RABGAP1L: variants seen among roughly 807,000 people sequenced by gnomAD.
RABGAP1L encodes RAB GTPase activating protein 1 like, also known as rab GTPase-activating protein 1-like.
Under a neutral mutation model 137.7 loss-of-function variants are expected in RABGAP1L, and 63 were observed. That is an observed-to-expected ratio of 0.46 (90% CI 0.37 to 0.56). RABGAP1L has a LOEUF of 0.56. Among genes scored for constraint, RABGAP1L ranks in the 20% least tolerant of loss-of-function variants. The pLI, the probability that RABGAP1L is intolerant of heterozygous loss-of-function variation, is 0.00. For missense variants in RABGAP1L, 1,095 were observed against 1,244.0 expected (o/e 0.88, Z 1.80); for synonymous variants, 431 against 433.7 (o/e 0.99, Z 0.08).
At chr1:174,487,876 T>G (rs1659822474) in intron 13 of RABGAP1L, among the ~76,000 whole-genome samples, 1 of 152,192 alleles carries the variant, frequency 6.6e-6, no homozygotes, top group Admixed American at 6.5e-5. Flanking sequence ...TCACACTGTT[T>G]GTATAAACAA....
intron 13 of RABGAP1L, among the ~76,000 whole-genome samples, chr1:174,606,342 C>T (rs1195635608): frequency 6.6e-6 from 1 of 152,212 alleles, no homozygotes; most frequent in African/African-American, 2.4e-5. Flanking sequence ...TAGCCTGCCA[C>T]ACCCACTGTC....
chr1:174,662,108 T>TTTC (rs1676422305), intron 14 of RABGAP1L, among the ~76,000 whole-genome samples: 1 of 113,218 alleles, frequency 8.8e-6, no homozygotes, highest in African/African-American at 5.4e-5. Flanking sequence ...TTTTCTTTTT[T>TTTC]TTTTTTTTTT....
intron 13 of RABGAP1L, among the ~76,000 whole-genome samples, chr1:174,518,598 C>T (rs1490617590): frequency 6.6e-6 from 1 of 152,066 alleles, no homozygotes; most frequent in Admixed American, 6.6e-5. Flanking sequence ...TGTTCATCTC[C>T]TCTTGGGTGT....
At chr1:174,809,487 T>G (rs756342806) in intron 18 of RABGAP1L, among the ~76,000 whole-genome samples, 12 of 152,184 alleles carry the variant, frequency 7.9e-5, no homozygotes, top group Non-Finnish European at 1.8e-4. Flanking sequence ...CTTTTGTATG[T>G]GCTAAAAGGC....
chr1:174,596,747 A>T lies in RABGAP1L; in HGVS notation c.1711-40628A>T, dbSNP rs191683945. On this transcript the variant is annotated intron_variant, in intron 13 of 25. Transcript: ENST00000681986. Reference sequence around the variant, plus strand: ...GATTCCTTTAGCTAGGATTTCCAGGACTATGTTGAATAACGGTGGTGAAAG... The same window carrying T: ...GATTCCTTTAGCTAGGATTTCCAGGTCTATGTTGAATAACGGTGGTGAAAG... 1.2e-3 allele frequency among the ~76,000 whole-genome samples: 190 copies of T among 152,254 alleles called. 1 individual carries two copies. Among genetic ancestry groups the T allele is most frequent in the African/African-American group, 4.4e-3 (183 of 41,560 alleles).
intron 20 of RABGAP1L, among the ~76,000 whole-genome samples, chr1:174,964,480 A>G (rs1443099513): frequency 6.6e-6 from 1 of 152,208 alleles, no homozygotes; most frequent in Non-Finnish European, 1.5e-5. Context: ...TTCAGCCCCC[A>G]GGTACACATG....
chr1:174,374,705 G>T (rs749549680), intron 12 of RABGAP1L, among the ~76,000 whole-genome samples: 24 of 152,192 alleles, frequency 1.6e-4, no homozygotes, highest in Non-Finnish European at 3.4e-4. Context: ...CAGTTGTAGT[G>T]CTAACTTGAT....
intron 8 of RABGAP1L, among the ~76,000 whole-genome samples, chr1:174,273,664 AATG>A (rs1399165438): frequency 1.3e-5 from 2 of 152,056 alleles, no homozygotes; most frequent in Non-Finnish European, 2.9e-5. Context: ...GGATTGAGGT[AATG>A]AAAACTTTTA....
chr1:174,406,746 C>T (rs1056783499), intron 13 of RABGAP1L, among the ~76,000 whole-genome samples: 1 of 152,084 alleles, frequency 6.6e-6, no homozygotes, highest in African/African-American at 2.4e-5. Context: ...GCTGTCTCTA[C>T]AAAAAATACA....
chr1:174,503,889 T>C (rs1558290185), intron 13 of RABGAP1L, among the ~76,000 whole-genome samples: 1 of 151,860 alleles, frequency 6.6e-6, no homozygotes, highest in Non-Finnish European at 1.5e-5. Context: ...ATATATCCTG[T>C]GTTCATAGAT....
At chr1:174,256,843 C>T (rs992698086) in intron 7 of RABGAP1L, among the ~76,000 whole-genome samples, 3 of 152,084 alleles carry the variant, frequency 2.0e-5, no homozygotes, top group Non-Finnish European at 2.9e-5. Context: ...ATCAAAATAT[C>T]CTCCTTAATT....
At chr1:174,160,198 G>A (rs574119537) in intron 1 of RABGAP1L, among the ~76,000 whole-genome samples, 1 of 152,242 alleles carries the variant, frequency 6.6e-6, no homozygotes, top group Non-Finnish European at 1.5e-5. Context: ...GATGGGATGC[G>A]TTCCGGGCAG....
At position 174,372,991 on chromosome 1, in the gene RABGAP1L, G is replaced by A. The variant is rs1685226646; in HGVS notation, c.1559+1919G>A. On this transcript the variant is annotated intron_variant, in intron 12 of 25. Transcript: ENST00000681986. Reference sequence around the variant, plus strand: ...AGCCATTCTATTGAAATGATGTTCAGTTATCATTTTGTCCATTTCAAAAAT... The same window carrying A: ...AGCCATTCTATTGAAATGATGTTCAATTATCATTTTGTCCATTTCAAAAAT... 2.0e-5 allele frequency among the ~76,000 whole-genome samples: 3 copies of A among 152,164 alleles called. No homozygotes were observed. In the South Asian group the frequency reaches 6.2e-4, roughly 32 times the overall value.
intron 19 of RABGAP1L, among the ~76,000 whole-genome samples, chr1:174,909,171 T>G (rs1573778205): frequency 7.2e-6 from 1 of 139,514 alleles, no homozygotes; most frequent in Non-Finnish European, 1.6e-5. Context: ...AGAGTGAGAC[T>G]CTATCTCAAA....
At chr1:174,413,845 T>A (rs1250883830) in intron 13 of RABGAP1L, among the ~76,000 whole-genome samples, 1 of 152,106 alleles carries the variant, frequency 6.6e-6, no homozygotes, top group Non-Finnish European at 1.5e-5. Flanking sequence ...TTGATTCTTG[T>A]TTATTTTCGG....
intron 19 of RABGAP1L, among the ~76,000 whole-genome samples, chr1:174,900,044 C>A (rs937944868): frequency 2.6e-5 from 4 of 152,178 alleles, no homozygotes; most frequent in African/African-American, 9.7e-5. Flanking sequence ...CAGATTTTAA[C>A]TCAATTTGGG....
intron 12 of RABGAP1L, among the ~76,000 whole-genome samples, chr1:174,372,480 G>T (rs2149004107): frequency 6.6e-6 from 1 of 152,128 alleles, no homozygotes; most frequent in East Asian, 1.9e-4. Flanking sequence ...TCTGTTATCT[G>T]GTCTAAGTGA....
At chr1:174,390,843 A>G (rs901306301) in intron 12 of RABGAP1L, among the ~76,000 whole-genome samples, 1 of 152,162 alleles carries the variant, frequency 6.6e-6, no homozygotes, top group Non-Finnish European at 1.5e-5. Context: ...GGTTAGGGAG[A>G]AGAAACTGAG....
chr1:174,344,526 G>C (rs1173106321), intron 11 of RABGAP1L, among the ~76,000 whole-genome samples: 5 of 152,072 alleles, frequency 3.3e-5, no homozygotes, highest in South Asian at 2.1e-4. Flanking sequence ...GATTACCTTG[G>C]TGTGATCATT....
Sources: gnomAD v4.1 joint callset for allele counts (sites outside exome capture counted in the v4.1 genomes callset) on GRCh38, gnomAD v4.1.1 for gene constraint, MANE v1.5 for transcripts, NCBI Gene and HGNC (gene_info 2026-07-23, HGNC 2026-07-21) for gene names.